ING5: variants seen among roughly 807,000 people sequenced by gnomAD.
The protein encoded by ING5 is inhibitor of growth protein 5.
In ING5, 17 loss-of-function variants were observed where a neutral mutation model predicts 37.4. The ratio of observed to expected loss-of-function variants is 0.45; its 90% confidence interval spans 0.31 to 0.68. ING5 has a LOEUF of 0.68. Ranked by LOEUF, ING5 falls within the 30% of genes least tolerant of loss-of-function variation. ING5 has a pLI of 0.05. For synonymous variants in ING5, 123 were observed against 116.6 expected (o/e 1.06, Z -0.36); for missense variants, 233 against 311.9 (o/e 0.75, Z 1.91).
exon 1 of ING5, chr2:241,687,341 A>G: frequency 2.5e-6 from 1 of 398,710 alleles, no homozygotes. Context: ...GGCTCCTCCC[A>G]AAGCTCACCT....
At position 241,721,049 on chromosome 2, in the gene ING5, T is replaced by C. The variant is rs1250299010; in HGVS notation, c.483-1890T>C. Reference sequence around the variant, plus strand: ...ACACAGGTCAAGTGGCAGCTCAAGATGTCAGGTCGGGCTTTGTGGACAGAA... The same window carrying C: ...ACACAGGTCAAGTGGCAGCTCAAGACGTCAGGTCGGGCTTTGTGGACAGAA... On this transcript the variant is annotated intron_variant, in intron 5 of 7. Transcript: ENST00000313552. 9 of 985,490 alleles carry C rather than the reference T, an allele frequency of 9.1e-6. No homozygotes were observed. In the Admixed American group the frequency reaches 4.9e-4, roughly 54 times the overall value. The allele number at this position is 985,490 out of a possible 1,614,324, so 61.0% of individuals were successfully genotyped here.
At position 241,729,432 on chromosome 2, in the gene ING5, A is replaced by G. The variant is rs1559319394; in HGVS notation, c.*4401A>G. On this transcript the variant is annotated 3_prime_UTR_variant, in exon 8 of 8. Transcript: ENST00000313552. ...TATCAGTATTTTTGGATCATGTTAT[A>G]GATTATGGATATATTGTTTAATAAA... 6.6e-6 allele frequency: 1 copy of G among 152,656 alleles called. No individual in the cohort carries two copies. The highest frequency in any genetic ancestry group is 1.5e-5 in the Non-Finnish European group (1 of 68,042). The allele number at this position is 152,656 out of a possible 1,614,324, so 9.5% of individuals were successfully genotyped here.
chr2:241,687,766 T>C (rs866523460), exon 1 of ING5: 16 of 157,024 alleles, frequency 1.0e-4, no homozygotes, highest in East Asian at 5.3e-4. Context: ...CCTCGTGATC[T>C]GCCCGCCTCG....
At chr2:241,697,296 G>C (rs1390344902), upstream of ING5, among the ~76,000 whole-genome samples, 1 of 150,642 alleles carries the variant, frequency 6.6e-6, no homozygotes, top group Non-Finnish European at 1.5e-5. Context: ...TTAGACAGGC[G>C]TGGTGTCGGG....
chr2:241,723,661 T>G (rs1355279326), intron 7 of ING5: 3 of 1,129,972 alleles, frequency 2.7e-6, no homozygotes, highest in Non-Finnish European at 1.3e-6. Flanking sequence ...GCATGAGATG[T>G]GAGCCCTGAA....
At chr2:241,718,898 C>G (rs1214374475) in intron 5 of ING5, among the ~76,000 whole-genome samples, 2 of 152,224 alleles carry the variant, frequency 1.3e-5, no homozygotes, top group Middle Eastern at 3.2e-3. Context: ...AAAACATAAT[C>G]AGTCCTATTT....
intron 7 of ING5, 33 bp from the exon 8 acceptor site, chr2:241,724,956 G>A (rs1190778175): frequency 1.2e-6 from 2 of 1,612,676 alleles, no homozygotes; most frequent in South Asian, 2.2e-5. Flanking sequence ...CGGAAATGGC[G>A]CCCAGGGCCT....
intron 5 of ING5, chr2:241,721,038 G>A: frequency 2.0e-6 from 2 of 985,606 alleles, no homozygotes; most frequent in Non-Finnish European, 2.4e-6. Context: ...AGGTCAAGTG[G>A]CAGCTCAAGA....
chr2:241,706,358 G>A (rs1182737318), intron 2 of ING5, among the ~76,000 whole-genome samples: 9 of 151,906 alleles, frequency 5.9e-5, no homozygotes, highest in East Asian at 1.9e-4. Flanking sequence ...GGCCAGGCAC[G>A]GTGGCTCATG....
intron 2 of ING5, among the ~76,000 whole-genome samples, chr2:241,708,148 G>C (rs1182445551): frequency 6.6e-6 from 1 of 151,900 alleles, no homozygotes; most frequent in Non-Finnish European, 1.5e-5. Context: ...CTCCTGCCTT[G>C]GCCTCCCAAA....
intron 5 of ING5, among the ~76,000 whole-genome samples, chr2:241,716,395 C>T (rs1575135252): frequency 1.3e-5 from 2 of 149,272 alleles, no homozygotes; most frequent in African/African-American, 2.5e-5. Context: ...CAGGTTCAAG[C>T]GATTCTCATG....
rs1480885458 is a variant in ING5, at chr2:241,728,785, C to T, written c.*3754C>T. The T allele has an allele frequency of 2.6e-5, 4 of 152,360 alleles. No individual in the cohort carries two copies. The highest frequency in any genetic ancestry group is 9.6e-5 in the African/African-American group (4 of 41,466). 9.4% of individuals were successfully genotyped at this position (152,360 alleles called of 1,614,324 possible). A position where few individuals can be genotyped will look rare whatever the true frequency, so the allele number is the denominator to read the frequency against. On this transcript the variant is annotated 3_prime_UTR_variant, in exon 8 of 8. Transcript: ENST00000313552. ...GCCTGAGCAGCAGCTGACCGCCCGT[C>T]TCACTGTTGGCCAGGGCTTTGTGGC...
At position 241,702,121 on chromosome 2, in the gene ING5, C is replaced by T. The variant is rs1445985133; in HGVS notation, c.37+19C>T. Reference sequence around the variant, plus strand: ...CTGGACAGTAAGCGCGCCCCACGGGCCCCGCGCCCGCCGCCCACGCGGAGT... The same window carrying T: ...CTGGACAGTAAGCGCGCCCCACGGGTCCCGCGCCCGCCGCCCACGCGGAGT... On this transcript the variant is annotated intron_variant, in intron 1 of 7. Transcript: ENST00000313552. 2 of 1,299,428 alleles carry T rather than the reference C, an allele frequency of 1.5e-6. No individual in the cohort carries two copies. Among genetic ancestry groups the T allele is most frequent in the Non-Finnish European group, 2.0e-6 (2 of 1,017,540 alleles). The allele number at this position is 1,299,428 out of a possible 1,614,324, so 80.5% of individuals were successfully genotyped here.
chr2:241,700,150 GTTTTTTTTTTTT>G (rs780209565), upstream of ING5, among the ~76,000 whole-genome samples: 25 of 73,278 alleles, frequency 3.4e-4, no homozygotes, highest in Non-Finnish European at 2.0e-4. Context: ...GCCCGGCTAA[GTTTTTTTTTTTT>G]TTTTTTTTTT....
intron 2 of ING5, among the ~76,000 whole-genome samples, chr2:241,707,762 TGTC>T: frequency 6.6e-6 from 1 of 152,344 alleles, no homozygotes; most frequent in East Asian, 1.9e-4. Context: ...ACCTCTCTGT[TGTC>T]TGCTACCGAG....
intron 6 of ING5, 45 bp from the exon 7 acceptor site, chr2:241,723,165 A>C (rs2070471348): frequency 6.2e-7 from 1 of 1,613,818 alleles, no homozygotes; most frequent in Non-Finnish European, 8.5e-7. Context: ...TTTTGCATAC[A>C]GAACATGAGG....
chr2:241,693,323 G>A (rs960634274), intron 2 of ING5, among the ~76,000 whole-genome samples: 1 of 151,826 alleles, frequency 6.6e-6, no homozygotes, highest in East Asian at 1.9e-4. Context: ...GGGGGTCAGG[G>A]CTTCAACACA....
At chr2:241,715,590 C>A (rs1161485100) in intron 5 of ING5, among the ~76,000 whole-genome samples, 1 of 143,296 alleles carries the variant, frequency 7.0e-6, no homozygotes, top group Non-Finnish European at 1.5e-5. Context: ...TCAAGCAATT[C>A]TCTTGCCTCA....
chr2:241,688,430 A>T (rs2069487412), intron 1 of ING5, among the ~76,000 whole-genome samples: 1 of 152,176 alleles, frequency 6.6e-6, no homozygotes, highest in Admixed American at 6.5e-5. Context: ...CTTTGGGCTG[A>T]GGTCATTGGC....
Sources: gnomAD v4.1 joint callset for allele counts (sites outside exome capture counted in the v4.1 genomes callset) on GRCh38, gnomAD v4.1.1 for gene constraint, MANE v1.5 for transcripts, NCBI Gene and HGNC (gene_info 2026-07-23, HGNC 2026-07-21) for gene names.